Variants in MYO16 observed in about 807,000 individuals in gnomAD.
MYO16 encodes myosin XVI.
Under a neutral mutation model 205.3 loss-of-function variants are expected in MYO16, and 94 were observed. The ratio of observed to expected loss-of-function variants is 0.46; its 90% confidence interval spans 0.39 to 0.54. MYO16 has a LOEUF of 0.54. Among genes scored for constraint, MYO16 ranks in the 20% least tolerant of loss-of-function variants. The pLI, the probability that MYO16 is intolerant of heterozygous loss-of-function variation, is 0.00. For synonymous variants in MYO16, 988 were observed against 954.0 expected (o/e 1.04, Z -0.66); for missense variants, 2,315 against 2,387.5 (o/e 0.97, Z 0.63).
chr13:108,759,495 T>C (rs1222516136), intron 4 of MYO16, among the ~76,000 whole-genome samples: 3 of 152,166 alleles, frequency 2.0e-5, no homozygotes, highest in East Asian at 3.9e-4. Flanking sequence ...GAGAGTATTA[T>C]ATGAAAGAAA....
the MYO16 span, among the ~76,000 whole-genome samples, chr13:108,567,558 A>G: frequency 2.0e-5 from 3 of 152,190 alleles, no homozygotes; most frequent in Non-Finnish European, 2.9e-5. Context: ...CACAAAGAGG[A>G]TACTCATGGC....
chr13:109,113,039 G>GT (rs1875480291), intron 28 of MYO16, among the ~76,000 whole-genome samples: 2 of 152,124 alleles, frequency 1.3e-5, no homozygotes, highest in African/African-American at 4.8e-5. Flanking sequence ...CTAGTGACAT[G>GT]GATGTACTAC....
chr13:109,183,912 T>C (rs1367753825), intron 34 of MYO16, among the ~76,000 whole-genome samples: 1 of 152,246 alleles, frequency 6.6e-6, no homozygotes, highest in African/African-American at 2.4e-5. Context: ...AATTGTTATG[T>C]GGTTTGCTTT....
In MYO16 at chr13:109,179,570, G is replaced by A. The variant is rs557054111; in HGVS notation, c.5352G>A (p.Arg1784=). 1.9e-6 allele frequency: 3 copies of A among 1,613,980 alleles called. No individual in the cohort carries two copies. In the East Asian group the frequency reaches 6.7e-5, roughly 36 times the overall value. ...NGLPEEDGYS[R]LSISGTGTST... ...TACCTGAAGAAGATGGATACTCACG[G>A]TTGTCTATAAGTGGCACAGGGACTT... The change falls in exon 34 of 35, where the codon CGG becomes CGA. Residue 1784 remains arginine, a synonymous_variant. Transcript: ENST00000457511.
At chr13:109,148,800 A>G (rs563377072) in intron 32 of MYO16, among the ~76,000 whole-genome samples, 1 of 152,286 alleles carries the variant, frequency 6.6e-6, no homozygotes, top group South Asian at 2.1e-4. Context: ...GCCTGAGAGA[A>G]TCTGAGGGCC....
At chr13:108,810,872 G>A (rs1298149581) in intron 7 of MYO16, among the ~76,000 whole-genome samples, 1 of 152,152 alleles carries the variant, frequency 6.6e-6, no homozygotes. Flanking sequence ...TACATTTATA[G>A]TGGGATGATG....
chr13:108,531,377 G>A, the MYO16 span, among the ~76,000 whole-genome samples: 5 of 152,302 alleles, frequency 3.3e-5, no homozygotes, highest in South Asian at 1.0e-3. Flanking sequence ...GATGGTCTTA[G>A]CAGTTTCTAC....
chr13:108,787,284 C>G (rs1886487124), intron 5 of MYO16, among the ~76,000 whole-genome samples: 1 of 152,074 alleles, frequency 6.6e-6, no homozygotes, highest in Non-Finnish European at 1.5e-5. Flanking sequence ...TAAATATGTA[C>G]AGCTTTGGTA....
intron 20 of MYO16, among the ~76,000 whole-genome samples, chr13:108,966,500 A>T (rs1883797724): frequency 6.6e-6 from 1 of 152,206 alleles, no homozygotes; most frequent in Admixed American, 6.5e-5. Flanking sequence ...TACAAACATA[A>T]ACCGTGGAAA....
At chr13:108,822,361 C>T (rs1281466462) in intron 8 of MYO16, among the ~76,000 whole-genome samples, 1 of 152,056 alleles carries the variant, frequency 6.6e-6, no homozygotes. Context: ...CCCAGAAGGC[C>T]ACATAACTCT....
chr13:108,646,067 G>C (rs1411996082), intron 1 of MYO16, among the ~76,000 whole-genome samples: 1 of 152,156 alleles, frequency 6.6e-6, no homozygotes, highest in Admixed American at 6.5e-5. Context: ...CCTGTCCTCT[G>C]GGGCACTACA....
intron 4 of MYO16, among the ~76,000 whole-genome samples, chr13:108,746,774 C>T (rs1885076973): frequency 6.6e-6 from 1 of 152,014 alleles, no homozygotes; most frequent in Non-Finnish European, 1.5e-5. Context: ...CCACACAGAT[C>T]CGAGATGCTC....
chr13:108,932,426 C>T (rs1453395397), intron 16 of MYO16, among the ~76,000 whole-genome samples: 2 of 152,122 alleles, frequency 1.3e-5, no homozygotes, highest in South Asian at 2.1e-4. Context: ...CTTGTGTGGC[C>T]TAGGTCAAGG....
chr13:108,624,522 C>T (rs1879659787), intron 1 of MYO16, among the ~76,000 whole-genome samples: 1 of 152,114 alleles, frequency 6.6e-6, no homozygotes, highest in Non-Finnish European at 1.5e-5. Flanking sequence ...GATATGCAAA[C>T]TTTTGTCCAA....
Position 108,937,549 on chromosome 13 carries a change from G to C in MYO16, c.1926-20139G>C, listed in dbSNP as rs118118326. 1.4e-3 allele frequency among the ~76,000 whole-genome samples: 211 copies of C among 152,220 alleles called. 3 individuals carry two copies. The East Asian group carries it at 0.026, about 19-fold the overall frequency. On this transcript the variant is annotated intron_variant, in intron 16 of 34. Transcript: ENST00000457511. The stretch of plus-strand genomic sequence containing the variant: ...TTTACATAATCCCATATTTCTCAAA[G>C]GCGTTGCTCATTTTTTAAAATTCTT...
intron 2 of MYO16, among the ~76,000 whole-genome samples, chr13:108,690,087 A>C (rs1014540761): frequency 2.0e-5 from 3 of 152,072 alleles, no homozygotes; most frequent in African/African-American, 7.2e-5. Context: ...AGATACTCTC[A>C]AATTCTGTTT....
intron 4 of MYO16, among the ~76,000 whole-genome samples, chr13:108,738,698 C>T (rs540886408): frequency 2.7e-4 from 41 of 152,194 alleles, no homozygotes; most frequent in Non-Finnish European, 4.6e-4. Flanking sequence ...TCCTTGTTAA[C>T]TTTCTGTCTC....
At chr13:109,196,087 G>A (rs546679420) in intron 34 of MYO16, among the ~76,000 whole-genome samples, 1 of 152,244 alleles carries the variant, frequency 6.6e-6, no homozygotes, top group South Asian at 2.1e-4. Flanking sequence ...TCACTTTAGA[G>A]AAAACACTGG....
intron 34 of MYO16, among the ~76,000 whole-genome samples, chr13:109,196,199 G>C (rs1254634782): frequency 6.6e-6 from 1 of 152,140 alleles, no homozygotes; most frequent in Non-Finnish European, 1.5e-5. Flanking sequence ...GTAAAGTACA[G>C]AAATGGAAAG....
Sources: gnomAD v4.1 joint callset for allele counts (sites outside exome capture counted in the v4.1 genomes callset) on GRCh38, gnomAD v4.1.1 for gene constraint, MANE v1.5 for transcripts, NCBI Gene and HGNC (gene_info 2026-07-23, HGNC 2026-07-21) for gene names.